The following CCDC171 variants were observed in gnomAD, a reference collection of about 807,000 sequenced individuals.
CCDC171 encodes the protein coiled-coil domain-containing protein 171.
A neutral mutation model predicts 168.2 loss-of-function variants in CCDC171; 177 were observed. The observed-to-expected ratio is 1.05, with a 90% CI of 0.93 to 1.19. CCDC171 has a LOEUF of 1.19. Ranked by LOEUF, CCDC171 falls within the 50% of genes most tolerant of loss-of-function variation. The pLI, the probability that CCDC171 is intolerant of heterozygous loss-of-function variation, is 0.00. For synonymous variants in CCDC171, 687 were observed against 540.8 expected, an observed-to-expected ratio of 1.27 and a Z score of -3.75; for missense variants, 1,991 against 1,539.0, an observed-to-expected ratio of 1.29 and a Z score of -4.91.
At chr9:15,563,025 T>A (rs889784681) in intron 1 of CCDC171, among the ~76,000 whole-genome samples, 1 of 152,166 alleles carries the variant, frequency 6.6e-6, no homozygotes, top group South Asian at 2.1e-4. Flanking sequence ...AGATAACTTA[T>A]AGTTCAGGTT....
At chr9:15,786,370 A>G (rs893573065) in intron 21 of CCDC171, among the ~76,000 whole-genome samples, 1 of 152,178 alleles carries the variant, frequency 6.6e-6, no homozygotes, top group East Asian at 1.9e-4. Flanking sequence ...GAAAATATAG[A>G]TGAAGAAAAA....
Position 15,818,902 on chromosome 9 carries a change from A to G in CCDC171, c.3268-27800A>G, listed in dbSNP as rs1219617485. Reference sequence around the variant, plus strand: ...GAGACACATAATTGTCAGATTCCCCAAAGTTGAAATGAAGGAAAAAATGTT... The same window carrying G: ...GAGACACATAATTGTCAGATTCCCCGAAGTTGAAATGAAGGAAAAAATGTT... On this transcript the variant is annotated intron_variant, in intron 21 of 25. Transcript: ENST00000380701. 1.3e-3 allele frequency among the ~76,000 whole-genome samples: 154 copies of G among 117,386 alleles called. 51 individuals are homozygous for G. The highest frequency in any genetic ancestry group is 4.5e-3 in the African/African-American group (141 of 31,138). The allele number at this position is 117,386 out of a possible 152,430, so 77.0% of individuals were successfully genotyped here. A position where few individuals can be genotyped will look rare whatever the true frequency, so the allele number is the denominator to read the frequency against.
chr9:15,648,427 G>C (rs1411179747), intron 7 of CCDC171, among the ~76,000 whole-genome samples: 2 of 152,120 alleles, frequency 1.3e-5, no homozygotes, highest in South Asian at 4.1e-4. Flanking sequence ...GAAATAAAGG[G>C]TATTCAATGA....
chr9:15,794,793 G>A (rs2058467753), intron 21 of CCDC171, among the ~76,000 whole-genome samples: 1 of 152,194 alleles, frequency 6.6e-6, no homozygotes, highest in Admixed American at 6.5e-5. Flanking sequence ...TGTTAAACCA[G>A]CCTTGTATTC....
intron 22 of CCDC171, among the ~76,000 whole-genome samples, chr9:15,847,458 G>A (rs1456917308): frequency 6.6e-6 from 1 of 151,874 alleles, no homozygotes; most frequent in Non-Finnish European, 1.5e-5. Flanking sequence ...TTTAAACCAG[G>A]TAATCAAGTT....
intron 23 of CCDC171, among the ~76,000 whole-genome samples, chr9:15,861,930 G>A (rs1191022022): frequency 1.3e-5 from 2 of 151,930 alleles, no homozygotes; most frequent in Non-Finnish European, 2.9e-5. Flanking sequence ...AAGTCTGTTA[G>A]TGATGAACTT....
intron 24 of CCDC171, among the ~76,000 whole-genome samples, chr9:15,909,085 A>T (rs1417836801): frequency 6.6e-6 from 1 of 152,198 alleles, no homozygotes; most frequent in Non-Finnish European, 1.5e-5. Context: ...AGAGTTATAT[A>T]AGTCTTTAAA....
intron 10 of CCDC171, among the ~76,000 whole-genome samples, chr9:15,692,580 T>A (rs921069310): frequency 4.6e-4 from 69 of 150,488 alleles, no homozygotes; most frequent in Admixed American, 1.3e-3. Context: ...CAGGCTGGAG[T>A]GCAGTGGCGC....
intron 18 of CCDC171, among the ~76,000 whole-genome samples, chr9:15,767,184 G>A (rs774491675): frequency 3.9e-5 from 6 of 152,098 alleles, no homozygotes; most frequent in Non-Finnish European, 8.8e-5. Context: ...ATTTATTATC[G>A]GATATTTCTG....
chr9:15,866,085 G>A (rs574339012), intron 23 of CCDC171, among the ~76,000 whole-genome samples: 1 of 152,004 alleles, frequency 6.6e-6, no homozygotes, highest in Admixed American at 6.6e-5. Flanking sequence ...AATATTAAAT[G>A]CAAAAAGAGT....
At chr9:15,657,656 G>C (rs1382086206) in intron 8 of CCDC171, among the ~76,000 whole-genome samples, 1 of 152,142 alleles carries the variant, frequency 6.6e-6, no homozygotes, top group Non-Finnish European at 1.5e-5. Flanking sequence ...AGAGCTGAAG[G>C]TGTAAAGATG....
chr9:15,799,168 C>CTATATATATATATATAT (rs2058702500), intron 21 of CCDC171, among the ~76,000 whole-genome samples: 1 of 59,672 alleles, frequency 1.7e-5, no homozygotes, highest in African/African-American at 6.0e-5. Context: ...ATATATATAC[C>CTATATATATATATATAT]ATTTTGATGC....
At position 15,968,242 on chromosome 9, in the gene CCDC171, TA is replaced by T. The variant is rs1333637058; in HGVS notation, c.3754-3364del. Among the ~76,000 whole-genome samples, 4 of 152,346 alleles carry T rather than the reference TA, an allele frequency of 2.6e-5. No homozygotes were observed. In the East Asian group the frequency reaches 5.8e-4, roughly 22 times the overall value. ...ACTAATTTCCTTTTGAAAAACTGCC[TA>T]AATTTAGATTTACATAAGAGACAGA... On this transcript the variant is annotated intron_variant, in intron 25 of 25. Coordinates refer to ENST00000380701, the MANE Select transcript of CCDC171 (RefSeq NM_173550.4).
At chr9:15,906,083 C>G (rs9695706) in intron 24 of CCDC171, among the ~76,000 whole-genome samples, 84,203 of 151,980 alleles carry the variant, frequency 0.55, 23,529 homozygotes, top group East Asian at 0.81. Context: ...CAGCCGAATT[C>G]TACCAGAGGT....
intron 7 of CCDC171, among the ~76,000 whole-genome samples, chr9:15,653,669 A>C (rs1357391912): frequency 2.6e-5 from 4 of 152,126 alleles, no homozygotes; most frequent in Non-Finnish European, 5.9e-5. Context: ...CCTAACTCCC[A>C]GTTTGATTAT....
At chr9:15,868,500 A>T (rs937836963) in intron 23 of CCDC171, among the ~76,000 whole-genome samples, 21 of 148,490 alleles carry the variant, frequency 1.4e-4, no homozygotes, top group Non-Finnish European at 2.3e-4. Flanking sequence ...TGTGTGTGTG[A>T]GAGAGAGAGA....
At chr9:15,636,749 C>CAAAA (rs35778640) in intron 7 of CCDC171, among the ~76,000 whole-genome samples, 2 of 64,674 alleles carry the variant, frequency 3.1e-5, no homozygotes, top group Admixed American at 2.2e-4. Flanking sequence ...GACCCTGCCT[C>CAAAA]AAAAAAAAAA....
At chr9:15,569,096 T>C (rs2039990666) in intron 2 of CCDC171, among the ~76,000 whole-genome samples, 1 of 152,256 alleles carries the variant, frequency 6.6e-6, no homozygotes, top group Admixed American at 6.5e-5. Context: ...ACTACTTTTT[T>C]GTTCCTTGTT....
At chr9:15,583,745 C>G (rs2041327842) in intron 4 of CCDC171, among the ~76,000 whole-genome samples, 1 of 151,750 alleles carries the variant, frequency 6.6e-6, no homozygotes, top group Non-Finnish European at 1.5e-5. Context: ...TTGCCTGCAA[C>G]CGAACACCAT....
Sources: gnomAD v4.1 joint callset for allele counts (sites outside exome capture counted in the v4.1 genomes callset) on GRCh38, gnomAD v4.1.1 for gene constraint, MANE v1.5 for transcripts, NCBI Gene and HGNC (gene_info 2026-07-23, HGNC 2026-07-21) for gene names.